CTTNBP2NL: variants seen among roughly 807,000 people sequenced by gnomAD.
CTTNBP2NL encodes the protein CTTNBP2 N-terminal-like protein.
A neutral mutation model predicts 32.5 loss-of-function variants in CTTNBP2NL; 16 were observed. The ratio of observed to expected loss-of-function variants is 0.49; its 90% CI spans 0.33 to 0.75. CTTNBP2NL has a LOEUF of 0.75. Among genes scored for constraint, CTTNBP2NL ranks in the 30% least tolerant of loss-of-function variants. The pLI is 0.02. For missense variants in CTTNBP2NL, 645 were observed against 756.0 expected (o/e 0.85, Z 1.72); for synonymous variants, 298 against 289.4 (o/e 1.03, Z -0.30).
chr1:112,457,479 T>G lies in CTTNBP2NL; in HGVS notation c.*67T>G, dbSNP rs1650407717. ...TCGTCCAAAAGCTCAGTCAGACTTCTGAGTCAGATTATGTTATTTATTTTG... is the reference window on the plus strand; with the variant it reads ...TCGTCCAAAAGCTCAGTCAGACTTCGGAGTCAGATTATGTTATTTATTTTG... On this transcript the variant is annotated 3_prime_UTR_variant, in exon 6 of 6. Transcript: ENST00000271277. 4 of 1,324,500 alleles carry G rather than the reference T, an allele frequency of 3.0e-6. No individual in the cohort carries two copies. The highest frequency in any genetic ancestry group is 3.1e-6 in the Non-Finnish European group (3 of 952,488). The allele number at this position is 1,324,500 out of a possible 1,614,324, so 82.0% of individuals were successfully genotyped here.
At chr1:112,409,403 G>A (rs574819737) in intron 1 of CTTNBP2NL, among the ~76,000 whole-genome samples, 31 of 152,186 alleles carry the variant, frequency 2.0e-4, no homozygotes, top group African/African-American at 6.3e-4. Context: ...AAAAAAATTA[G>A]TCCAGTTGAT....
At chr1:112,414,492 C>T (rs1391963513) in intron 2 of CTTNBP2NL, among the ~76,000 whole-genome samples, 8 of 152,204 alleles carry the variant, frequency 5.3e-5, no homozygotes. Flanking sequence ...TATACATGTT[C>T]ACTTAAAAGC....
At chr1:112,451,417 G>C (rs1465501210) in intron 4 of CTTNBP2NL, among the ~76,000 whole-genome samples, 1 of 149,114 alleles carries the variant, frequency 6.7e-6, no homozygotes, top group Non-Finnish European at 1.5e-5. Flanking sequence ...ATGTGACAGA[G>C]GCCAGATGCT....
At chr1:112,393,094 G>A (rs1648223822), upstream of CTTNBP2NL, among the ~76,000 whole-genome samples, 2 of 152,022 alleles carry the variant, frequency 1.3e-5, no homozygotes, top group South Asian at 4.1e-4. Context: ...CTGACCTCAG[G>A]TGATCCACCC....
chr1:112,426,073 T>G (rs1649389021), intron 3 of CTTNBP2NL, among the ~76,000 whole-genome samples: 1 of 151,902 alleles, frequency 6.6e-6, no homozygotes, highest in Non-Finnish European at 1.5e-5. Context: ...GATATCTGTG[T>G]CTTCTTCCCA....
At chr1:112,453,129 G>T (rs567687639) in intron 4 of CTTNBP2NL, among the ~76,000 whole-genome samples, 1 of 151,616 alleles carries the variant, frequency 6.6e-6, no homozygotes, top group Non-Finnish European at 1.5e-5. Context: ...AGGAAGGAAG[G>T]GGGTGGGGGA....
chr1:112,454,160 G>A (rs1050951868), intron 4 of CTTNBP2NL, among the ~76,000 whole-genome samples: 1 of 152,064 alleles, frequency 6.6e-6, no homozygotes, highest in Non-Finnish European at 1.5e-5. Flanking sequence ...GTTAATTCTC[G>A]ACACCTCCTC....
chr1:112,447,806 AAAT>A (rs1185057563), intron 3 of CTTNBP2NL, among the ~76,000 whole-genome samples: 5 of 152,348 alleles, frequency 3.3e-5, no homozygotes, highest in Admixed American at 6.5e-5. Context: ...TAAAATGGAT[AAAT>A]AATAGTAGTT....
At chr1:112,426,059 T>C (rs1410617033) in intron 3 of CTTNBP2NL, among the ~76,000 whole-genome samples, 2 of 151,460 alleles carry the variant, frequency 1.3e-5, no homozygotes, top group Admixed American at 6.6e-5. Context: ...GTAGAAATGA[T>C]GGGGATATCT....
intron 3 of CTTNBP2NL, among the ~76,000 whole-genome samples, chr1:112,421,816 A>G (rs1235102366): frequency 6.6e-6 from 1 of 152,162 alleles, no homozygotes; most frequent in African/African-American, 2.4e-5. Context: ...TTAAGGGTGT[A>G]CTCTGGTGCA....
At chr1:112,440,087 G>A (rs147364959) in intron 3 of CTTNBP2NL, among the ~76,000 whole-genome samples, 1,673 of 152,240 alleles carry the variant, frequency 0.011, 43 homozygotes, top group African/African-American at 0.038. Flanking sequence ...CATTACTCAC[G>A]TTGCTTATAA....
chr1:112,400,979 A>T (rs1412801117), intron 1 of CTTNBP2NL, among the ~76,000 whole-genome samples: 1 of 68,802 alleles, frequency 1.5e-5, no homozygotes, highest in Admixed American at 1.7e-4. Context: ...AAAAAAAAAA[A>T]AAAAAAAAAA....
At chr1:112,449,404 T>C (rs1650154726) in intron 4 of CTTNBP2NL, among the ~76,000 whole-genome samples, 1 of 150,778 alleles carries the variant, frequency 6.6e-6, no homozygotes, top group African/African-American at 2.4e-5. Context: ...GCATTTCTTC[T>C]TGATATGTCA....
At chr1:112,451,784 A>AG (rs577640692) in intron 4 of CTTNBP2NL, among the ~76,000 whole-genome samples, 1 of 144,170 alleles carries the variant, frequency 6.9e-6, no homozygotes, top group African/African-American at 2.5e-5. Context: ...AAAAAAAAAA[A>AG]CACAAAACAA....
At chr1:112,427,216 T>C (rs139702760) in intron 3 of CTTNBP2NL, among the ~76,000 whole-genome samples, 65 of 152,296 alleles carry the variant, frequency 4.3e-4, no homozygotes, top group African/African-American at 1.3e-3. Context: ...ACTTAGGAAA[T>C]AGACATCAAA....
intron 1 of CTTNBP2NL, among the ~76,000 whole-genome samples, chr1:112,398,223 C>A (rs186013546): frequency 6.6e-6 from 1 of 152,266 alleles, no homozygotes; most frequent in Non-Finnish European, 1.5e-5. Context: ...AAATAATATT[C>A]TTTTATTATT....
intron 3 of CTTNBP2NL, among the ~76,000 whole-genome samples, chr1:112,429,950 C>G (rs1649511135): frequency 6.6e-6 from 1 of 152,030 alleles, no homozygotes. Flanking sequence ...ATAATCTGTT[C>G]TAGGAAGAGC....
intron 3 of CTTNBP2NL, among the ~76,000 whole-genome samples, chr1:112,444,256 G>C (rs757268610): frequency 2.0e-5 from 3 of 152,080 alleles, no homozygotes; most frequent in Non-Finnish European, 2.9e-5. Context: ...TGGTGCCAAA[G>C]AATAAAAAGA....
chr1:112,423,983 A>C (rs183265856), intron 3 of CTTNBP2NL, among the ~76,000 whole-genome samples: 1 of 152,220 alleles, frequency 6.6e-6, no homozygotes, highest in Non-Finnish European at 1.5e-5. Flanking sequence ...TCAGCCTCCC[A>C]AAGTGCTGGG....
Sources: gnomAD v4.1 joint callset for allele counts (sites outside exome capture counted in the v4.1 genomes callset) on GRCh38, gnomAD v4.1.1 for gene constraint, MANE v1.5 for transcripts, NCBI Gene and HGNC (gene_info 2026-07-23, HGNC 2026-07-21) for gene names.